Variants in MYOM1 observed in about 807,000 individuals in gnomAD.
The protein encoded by MYOM1 is myomesin-1.
In MYOM1, 164 loss-of-function variants were observed where a neutral mutation model predicts 205.3. The ratio of observed to expected loss-of-function variants is 0.80; its 90% CI spans 0.70 to 0.91. The LOEUF (loss-of-function observed/expected upper bound fraction) is 0.91. MYOM1 is among the 40% of genes least tolerant of loss of function. The pLI is 0.00. For missense variants in MYOM1, 2,011 were observed against 2,127.3 expected, an observed-to-expected ratio of 0.95 and a Z score of 1.08; for synonymous variants, 772 against 789.4, an observed-to-expected ratio of 0.98 and a Z score of 0.37.
chr18:3,163,321 T>C (rs2080421228), intron 10 of MYOM1, among the ~76,000 whole-genome samples: 1 of 152,196 alleles, frequency 6.6e-6, no homozygotes. Flanking sequence ...ACCGGAACAG[T>C]CATAGGGAAC....
At chr18:3,185,187 T>C (rs2080793281) in intron 5 of MYOM1, among the ~76,000 whole-genome samples, 1 of 152,254 alleles carries the variant, frequency 6.6e-6, no homozygotes, top group Non-Finnish European at 1.5e-5. Context: ...AGCTCTGCTT[T>C]CGTGAAATCA....
the MYOM1 span, among the ~76,000 whole-genome samples, chr18:3,230,319 G>A: frequency 6.6e-6 from 1 of 152,142 alleles, no homozygotes; most frequent in Admixed American, 6.5e-5. Flanking sequence ...GGAACCTAAG[G>A]CCGAATTCAT....
chr18:3,245,054 A>G, the MYOM1 span, among the ~76,000 whole-genome samples: 4 of 152,130 alleles, frequency 2.6e-5, no homozygotes, highest in Non-Finnish European at 5.9e-5. Flanking sequence ...AGGGCCTTCA[A>G]TCGAATTGGC....
At chr18:3,085,912 A>G (rs2079147490) in intron 30 of MYOM1, 126 bp downstream of exon 30, 1 of 596,014 alleles carries the variant, frequency 1.7e-6, no homozygotes. Flanking sequence ...GTGTTCCTAC[A>G]GCAGTTGGAA....
intron 8 of MYOM1, among the ~76,000 whole-genome samples, chr18:3,170,165 A>G (rs1476652615): frequency 6.6e-6 from 1 of 152,222 alleles, no homozygotes; most frequent in Non-Finnish European, 1.5e-5. Context: ...AAGGGGAAAT[A>G]AAGAAGGGTT....
In MYOM1 at chr18:3,075,746, T is replaced by G. The variant is rs1211669100; in HGVS notation, c.4664A>C (p.Tyr1555Ser). The G allele has an allele frequency of 6.3e-7, 1 of 1,598,374 alleles. No individual in the cohort carries two copies. The highest frequency in any genetic ancestry group is 8.5e-7 in the Non-Finnish European group (1 of 1,171,460). Residue 1555 changes from tyrosine to serine, a missense_variant, in exon 35 of 38, where the codon TAT (tyrosine) becomes TCT (serine). Transcript: ENST00000356443. ...TTACTTCAACCTCTGGAATTCAGCA[T>G]AGGCCTCATCGTATGCTTTAAAAGA... ...DLSGQAYDEAYAEFQRLKQAA... is the reference protein window; with the variant it reads ...DLSGQAYDEASAEFQRLKQAA...
At chr18:3,071,290 C>T (rs1209487437) in intron 37 of MYOM1, among the ~76,000 whole-genome samples, 2 of 152,178 alleles carry the variant, frequency 1.3e-5, no homozygotes, top group Non-Finnish European at 2.9e-5. Context: ...ACTAAGTGGT[C>T]TACATATGTC....
chr18:3,132,283 T>G (rs1023347345), intron 16 of MYOM1, among the ~76,000 whole-genome samples: 8 of 151,820 alleles, frequency 5.3e-5, no homozygotes, highest in Non-Finnish European at 7.4e-5. Context: ...CCTGAGTAGC[T>G]GGGACTACAG....
chr18:3,205,315 G>T (rs946439128), intron 2 of MYOM1, among the ~76,000 whole-genome samples: 1 of 152,008 alleles, frequency 6.6e-6, no homozygotes, highest in Non-Finnish European at 1.5e-5. Flanking sequence ...GAAAATATTT[G>T]CAAACATATC....
intron 2 of MYOM1, among the ~76,000 whole-genome samples, chr18:3,198,726 T>C (rs1229476279): frequency 6.7e-6 from 1 of 149,664 alleles, no homozygotes; most frequent in Admixed American, 6.7e-5. Context: ...GAGGTTGCAG[T>C]GAGCCAAGAT....
intron 22 of MYOM1, among the ~76,000 whole-genome samples, chr18:3,105,943 T>C (rs1262445420): frequency 1.3e-5 from 2 of 152,198 alleles, no homozygotes; most frequent in East Asian, 1.9e-4. Flanking sequence ...CTGAAGTACA[T>C]TGGTCCTTCA....
intron 2 of MYOM1, among the ~76,000 whole-genome samples, chr18:3,201,053 A>G (rs927137475): frequency 6.6e-6 from 1 of 152,192 alleles, no homozygotes; most frequent in South Asian, 2.1e-4. Flanking sequence ...CTCATCAGGA[A>G]AAATGGCACC....
Position 3,209,515 on chromosome 18 carries a change from T to C in MYOM1, c.290+5419A>G, listed in dbSNP as rs957557469. 2.0e-5 allele frequency among the ~76,000 whole-genome samples: 3 copies of C among 152,168 alleles called. No individual in the cohort carries two copies. Among genetic ancestry groups the C allele is most frequent in the Non-Finnish European group, 2.9e-5 (2 of 68,032 alleles). The stretch of plus-strand genomic sequence containing the variant: ...TCCTTCTTTAACTCAGAATATCAAC[T>C]CCCTTCAATGGCCCACAGGCCCTCC... On this transcript the variant is annotated intron_variant, in intron 2 of 37. Transcript: ENST00000356443. The surrounding 1 kb of genome is among the most constrained non-coding windows in gnomAD (Gnocchi z 4.0).
intron 3 of MYOM1, among the ~76,000 whole-genome samples, chr18:3,191,389 G>A (rs1024947768): frequency 6.6e-6 from 1 of 152,184 alleles, no homozygotes. Context: ...CAGGCATGCA[G>A]CTTTCAGCAA....
chr18:3,072,938 T>C (rs2078977491), intron 36 of MYOM1, among the ~76,000 whole-genome samples: 1 of 151,208 alleles, frequency 6.6e-6, no homozygotes, highest in African/African-American at 2.4e-5. Context: ...AAGGGCTACA[T>C]GCTAGGGAGA....
At chr18:3,098,855 C>CA (rs113761786) in intron 25 of MYOM1, among the ~76,000 whole-genome samples, 84 of 152,354 alleles carry the variant, frequency 5.5e-4, no homozygotes, top group African/African-American at 1.9e-3. Context: ...CCTAATGCCA[C>CA]ATGGTGGCAT....
chr18:3,079,926 T>A (rs574515246), intron 33 of MYOM1, among the ~76,000 whole-genome samples: 2 of 152,318 alleles, frequency 1.3e-5, no homozygotes, highest in Admixed American at 1.3e-4. Flanking sequence ...TCCCGGGATG[T>A]GAGTTTCTCA....
At chr18:3,217,460 AT>A (rs1488603905) in intron 1 of MYOM1, among the ~76,000 whole-genome samples, 2 of 152,180 alleles carry the variant, frequency 1.3e-5, no homozygotes, top group African/African-American at 4.8e-5. Flanking sequence ...AGAACAGGAG[AT>A]TGGTTTCAAT....
intron 27 of MYOM1, 32 bp from the exon 28 acceptor site, chr18:3,089,628 T>G (rs746946124): frequency 6.4e-7 from 1 of 1,574,584 alleles, no homozygotes; most frequent in South Asian, 1.2e-5. Flanking sequence ...AGTGTGAAAT[T>G]GAGTTGGGTG....
Sources: allele counts gnomAD v4.1 joint callset (sites outside exome capture counted in the v4.1 genomes callset), GRCh38; gene constraint gnomAD v4.1.1; non-coding constraint Gnocchi (gnomAD v3.1); transcripts MANE v1.5; gene names NCBI Gene and HGNC (gene_info 2026-07-23, HGNC 2026-07-21).